The following PCNT variants were observed in gnomAD, a reference collection of about 807,000 sequenced individuals.
PCNT encodes kendrin.
PCNT carries 319 observed loss-of-function variants against 380.4 expected under a neutral mutation model. The ratio of observed to expected loss-of-function variants is 0.84; its 90% confidence interval spans 0.77 to 0.92. The LOEUF (loss-of-function observed/expected upper bound fraction) is 0.92, where lower values mean the gene tolerates loss of function less well. Among genes scored for constraint, PCNT ranks in the 40% least tolerant of loss-of-function variants. The probability of loss-of-function intolerance (pLI) is 0.00; values close to 1 mark genes in which losing one functional copy is unlikely to be tolerated. For synonymous variants in PCNT, 1,845 were observed against 1,735.2 expected (o/e 1.06, Z -1.57); for missense variants, 4,400 against 4,255.3 (o/e 1.03, Z -0.95).
At chr21:46,357,281 A>C in intron 13 of PCNT, 90 bp downstream of exon 13, 4 of 921,646 alleles carry the variant, frequency 4.3e-6, no homozygotes. Context: ...ATGGAGGGGC[A>C]TCCTGGGGAC....
chr21:46,425,921 CG>C lies in PCNT; in HGVS notation c.7272del (p.Lys2425ArgfsTer106), dbSNP rs959180861. 2.5e-6 allele frequency: 4 copies of C among 1,613,884 alleles called. No homozygotes were observed. The African/African-American group carries it at 5.3e-5, about 22-fold the overall frequency. ...APPSGEPHPP[R>X]KEDEIQDISL... ...CCCAAGCGGCGAGCCACACCCACCC[CG>C]GAAGGAAGACGAGATACAGGACATC... On this transcript the variant is annotated frameshift_variant, in exon 33 of 47. Transcript: ENST00000359568. LOFTEE classifies it high-confidence loss of function. This position sits in a 1 kb window ranked among gnomAD's most constrained non-coding sequence, Gnocchi z 4.2.
At chr21:46,389,046 G>A (rs1394380747) in intron 18 of PCNT, among the ~76,000 whole-genome samples, 153 bp from the exon 19 acceptor site, 2 of 152,212 alleles carry the variant, frequency 1.3e-5, no homozygotes, top group Non-Finnish European at 2.9e-5. Flanking sequence ...ACCGGGGTTT[G>A]GGCTAAATTT....
At chr21:46,422,217 G>A in intron 32 of PCNT, 93 bp downstream of exon 32, 1 of 1,499,026 alleles carries the variant, frequency 6.7e-7, no homozygotes, top group Middle Eastern at 2.2e-4. Flanking sequence ...GGAGAGCCTT[G>A]GAGGGCCAGC....
At chr21:46,413,612 CTG>C (rs2086892971) in intron 29 of PCNT, among the ~76,000 whole-genome samples, 1 of 152,252 alleles carries the variant, frequency 6.6e-6, no homozygotes, top group Admixed American at 6.5e-5. Context: ...ATGGATTTAA[CTG>C]TGCTCGAGGG....
chr21:46,329,400 A>G (rs2083485252), intron 2 of PCNT, among the ~76,000 whole-genome samples: 1 of 152,236 alleles, frequency 6.6e-6, no homozygotes, highest in Non-Finnish European at 1.5e-5. Context: ...TCAGAAAGGA[A>G]TAGAGTTGTT....
chr21:46,439,510 T>G (rs1391648449), intron 41 of PCNT, among the ~76,000 whole-genome samples: 2 of 152,238 alleles, frequency 1.3e-5, no homozygotes, highest in Non-Finnish European at 2.9e-5. Flanking sequence ...CCGTACACTC[T>G]TAAGTCATCT....
At chr21:46,444,579 T>A in intron 45 of PCNT, 115 bp from the exon 46 acceptor site, 1 of 1,113,104 alleles carries the variant, frequency 9.0e-7, no homozygotes, top group Non-Finnish European at 1.3e-6. Context: ...TCCCCACGGG[T>A]CTGGTTGGCG....
At chr21:46,334,169 C>T (rs1353631931) in intron 2 of PCNT, among the ~76,000 whole-genome samples, 1 of 149,200 alleles carries the variant, frequency 6.7e-6, no homozygotes, top group Admixed American at 6.7e-5. Context: ...TGTGCCACTG[C>T]ACTCCAGCCT....
Position 46,427,797 on chromosome 21 carries a change from T to C in PCNT, c.7494+2T>C. The C allele has an allele frequency of 6.2e-7, 1 of 1,613,116 alleles. No individual in the cohort carries two copies. Among genetic ancestry groups the C allele is most frequent in the Non-Finnish European group, 8.5e-7 (1 of 1,179,978 alleles). ...CTGGAGAAGATCATCCGTGAGCAGG[T>C]GAGTGTCAGCTCTGCCACCAGGCCT... is the stretch of plus-strand genomic sequence containing the variant. On this transcript the variant is annotated splice_donor_variant, in intron 34 of 46. Transcript: ENST00000359568. LOFTEE classifies it high-confidence loss of function.
chr21:46,422,864 T>G (rs1386783276), intron 32 of PCNT, among the ~76,000 whole-genome samples: 1 of 152,242 alleles, frequency 6.6e-6, no homozygotes, highest in Non-Finnish European at 1.5e-5. Flanking sequence ...GCCCTGAGGG[T>G]GCCTTTGTTA....
At chr21:46,340,661 G>A (rs1021592837) in intron 3 of PCNT, among the ~76,000 whole-genome samples, 2 of 152,164 alleles carry the variant, frequency 1.3e-5, no homozygotes, top group South Asian at 2.1e-4. Context: ...TGGAGGTGCA[G>A]TGAGCCTATC....
At chr21:46,324,414 C>T (rs1235830653) in intron 1 of PCNT, 132 bp downstream of exon 1, 5 of 808,982 alleles carry the variant, frequency 6.2e-6, no homozygotes, top group Admixed American at 4.2e-5. Context: ...CGCTTTTTCC[C>T]GCCGGCTCCG....
chr21:46,370,241 G>A (rs936534504), intron 15 of PCNT, among the ~76,000 whole-genome samples: 1 of 151,830 alleles, frequency 6.6e-6, no homozygotes, highest in Non-Finnish European at 1.5e-5. Context: ...GGGTGTCTTT[G>A]GTTGGCCTCC....
intron 15 of PCNT, among the ~76,000 whole-genome samples, chr21:46,374,192 T>C (rs1569217201): frequency 6.6e-6 from 1 of 152,168 alleles, no homozygotes; most frequent in Non-Finnish European, 1.5e-5. Context: ...CCGGTCCCGC[T>C]GGTTAGTGGG....
intron 27 of PCNT, among the ~76,000 whole-genome samples, chr21:46,403,004 CA>C (rs2147514453): frequency 6.6e-6 from 1 of 152,286 alleles, no homozygotes; most frequent in East Asian, 1.9e-4. Context: ...AAAAGAAAAC[CA>C]AAACCAACCT....
rs1314489310 is a variant in PCNT, at chr21:46,364,463, CTGT to C, written c.2609+534_2609+536del. Among the ~76,000 whole-genome samples, 12 of 152,366 alleles carry C rather than the reference CTGT, an allele frequency of 7.9e-5. No individual in the cohort carries two copies. In the South Asian group the frequency reaches 2.3e-3, roughly 29 times the overall value. On this transcript the variant is annotated intron_variant, in intron 14 of 46. Transcript: ENST00000359568. ...CAGGGGCGGGGATCAGTCATTGTCT[CTGT>C]TGTTCTTCGTGTGTTTTAAGATTTG...
chr21:46,430,696 T>C (rs1222927443), intron 37 of PCNT, 39 bp downstream of exon 37: 1 of 1,555,566 alleles, frequency 6.4e-7, no homozygotes, highest in African/African-American at 1.4e-5. Flanking sequence ...GCATGGGCTG[T>C]GTGCACTGGA....
intron 43 of PCNT, among the ~76,000 whole-genome samples, chr21:46,441,645 T>C (rs1338708649): frequency 3.9e-5 from 6 of 152,198 alleles, no homozygotes; most frequent in Non-Finnish European, 7.4e-5. Flanking sequence ...GTCTCTGAGC[T>C]CCCCTGACCG....
At chr21:46,373,250 C>T (rs916886481) in intron 15 of PCNT, among the ~76,000 whole-genome samples, 5 of 152,060 alleles carry the variant, frequency 3.3e-5, no homozygotes, top group Non-Finnish European at 7.4e-5. Flanking sequence ...TTCCTGGCCT[C>T]AAGCAATCCT....
Sources: gnomAD v4.1 joint callset for allele counts (sites outside exome capture counted in the v4.1 genomes callset) on GRCh38, gnomAD v4.1.1 for gene constraint, Gnocchi (gnomAD v3.1) non-coding constraint, MANE v1.5 for transcripts, NCBI Gene and HGNC (gene_info 2026-07-23, HGNC 2026-07-21) for gene names.